IMMP2L: variants seen among roughly 807,000 people sequenced by gnomAD.
The protein encoded by IMMP2L is inner mitochondrial membrane peptidase subunit 2.
Under a neutral mutation model 19.3 loss-of-function variants are expected in IMMP2L, and 18 were observed. The ratio of observed to expected loss-of-function variants is 0.93; its 90% CI spans 0.64 to 1.38. The LOEUF (loss-of-function observed/expected upper bound fraction) is 1.38, where lower values mean the gene tolerates loss of function less well. Among genes scored for constraint, IMMP2L ranks in the 40% most tolerant of loss-of-function variants. The pLI is 0.00. For missense variants in IMMP2L, 233 were observed against 218.2 expected, an observed-to-expected ratio of 1.07 and a Z score of -0.43; for synonymous variants, 76 against 73.0, an observed-to-expected ratio of 1.04 and a Z score of -0.21.
intron 5 of IMMP2L, among the ~76,000 whole-genome samples, chr7:110,818,380 C>A (rs571574014): frequency 0.087 from 13,306 of 152,076 alleles, 896 homozygotes; most frequent in African/African-American, 0.19. Flanking sequence ...TCATCACTGG[C>A]CATCAGAGAA....
chr7:111,521,245 C>T, intron 2 of IMMP2L, 68 bp downstream of exon 2: 1 of 1,466,694 alleles, frequency 6.8e-7, no homozygotes, highest in Non-Finnish European at 9.3e-7. Context: ...ATAATTAGCA[C>T]TCTCATTTCT....
At chr7:111,549,840 C>T (rs1261259183) in intron 1 of IMMP2L, among the ~76,000 whole-genome samples, 2 of 151,392 alleles carry the variant, frequency 1.3e-5, no homozygotes. Flanking sequence ...ACTTGGGAGG[C>T]TGAGGCACGA....
rs78850537 is a variant in IMMP2L at position 111,119,949 on chromosome 7, G to T, written c.240-156384C>A. Among the ~76,000 whole-genome samples, 3 of 152,308 alleles carry T rather than the reference G, an allele frequency of 2.0e-5. No homozygotes were observed. In the East Asian group the frequency reaches 5.8e-4, roughly 29 times the overall value. On this transcript the variant is annotated intron_variant, in intron 3 of 5. Coordinates refer to ENST00000405709, the MANE Select transcript of IMMP2L (RefSeq NM_032549.4). The stretch of plus-strand genomic sequence containing the variant: ...CTTGTATGAAAGACTTCCCAGAGGG[G>T]AGATTCTTGAACTGAGGTTTGAAAA...
At chr7:110,904,813 A>C (rs1812282823) in intron 4 of IMMP2L, among the ~76,000 whole-genome samples, 1 of 152,316 alleles carries the variant, frequency 6.6e-6, no homozygotes, top group Non-Finnish European at 1.5e-5. Context: ...AGGTGAGTCC[A>C]AGAGAGGCCT....
chr7:110,868,467 C>A (rs1563039463), intron 5 of IMMP2L, among the ~76,000 whole-genome samples: 1 of 152,006 alleles, frequency 6.6e-6, no homozygotes, highest in Non-Finnish European at 1.5e-5. Context: ...TCATCAAATC[C>A]AGGCCCAGAG....
intron 3 of IMMP2L, among the ~76,000 whole-genome samples, chr7:111,014,836 C>A (rs1825342750): frequency 6.6e-6 from 1 of 152,120 alleles, no homozygotes; most frequent in African/African-American, 2.4e-5. Context: ...ATCAAAACCA[C>A]AGTGAGATAT....
At chr7:111,237,653 G>T (rs1208690659) in intron 3 of IMMP2L, among the ~76,000 whole-genome samples, 1 of 151,338 alleles carries the variant, frequency 6.6e-6, no homozygotes, top group African/African-American at 2.4e-5. Flanking sequence ...TATAATCATA[G>T]AAATTACACC....
intron 3 of IMMP2L, among the ~76,000 whole-genome samples, chr7:111,481,872 T>C (rs1165674267): frequency 6.6e-6 from 1 of 152,124 alleles, no homozygotes; most frequent in Non-Finnish European, 1.5e-5. Flanking sequence ...CATGTGTAAT[T>C]TTACATTTTC....
chr7:110,839,630 A>G (rs935581278), intron 5 of IMMP2L, among the ~76,000 whole-genome samples: 2 of 152,144 alleles, frequency 1.3e-5, no homozygotes, highest in African/African-American at 4.8e-5. Flanking sequence ...GTGTGCACAT[A>G]TATTTTAATT....
In IMMP2L at chr7:111,025,875, T is replaced by G. The variant is rs540610919; in HGVS notation, c.240-62310A>C. On this transcript the variant is annotated intron_variant, in intron 3 of 5. Coordinates refer to ENST00000405709, the MANE Select transcript of IMMP2L (RefSeq NM_032549.4). ...ACATTGTTTCCTCAGGAATGGAGTT[T>G]GGAATTCAGGTGGCTTTTTCTCAGA... Among the ~76,000 whole-genome samples, 11 of 152,318 alleles carry G rather than the reference T, an allele frequency of 7.2e-5. No individual in the cohort carries two copies. The East Asian group carries it at 1.3e-3, about 19-fold the overall frequency.
chr7:110,903,198 G>A (rs935792407), intron 4 of IMMP2L, among the ~76,000 whole-genome samples: 1 of 152,146 alleles, frequency 6.6e-6, no homozygotes, highest in Non-Finnish European at 1.5e-5. Flanking sequence ...GGCAATATTT[G>A]AGTATACGTG....
intron 3 of IMMP2L, among the ~76,000 whole-genome samples, chr7:111,443,363 C>T (rs931160044): frequency 2.7e-5 from 4 of 149,496 alleles, no homozygotes; most frequent in African/African-American, 1.0e-4. Flanking sequence ...TGGAGTACTA[C>T]GACCACTGTC....
At chr7:111,137,612 A>G (rs1802474883) in intron 3 of IMMP2L, among the ~76,000 whole-genome samples, 2 of 152,218 alleles carry the variant, frequency 1.3e-5, no homozygotes, top group Admixed American at 1.3e-4. Flanking sequence ...TGAGGAATAA[A>G]AATATTAAAT....
intron 3 of IMMP2L, among the ~76,000 whole-genome samples, chr7:111,334,799 T>C (rs1669189993): frequency 6.6e-6 from 1 of 152,102 alleles, no homozygotes; most frequent in Non-Finnish European, 1.5e-5. Context: ...ATTATTGTTT[T>C]TTAAACCTTC....
chr7:111,335,142 G>A (rs1381739960), intron 3 of IMMP2L, among the ~76,000 whole-genome samples: 1 of 152,030 alleles, frequency 6.6e-6, no homozygotes. Context: ...CAGAAAAAGA[G>A]ACCTAAAAAA....
intron 3 of IMMP2L, among the ~76,000 whole-genome samples, chr7:111,467,133 C>G (rs928810039): frequency 3.3e-5 from 5 of 152,072 alleles, no homozygotes; most frequent in African/African-American, 1.2e-4. Flanking sequence ...AAGCACAGCC[C>G]CTGAGGCGAG....
At chr7:111,217,977 T>C (rs1812132909) in intron 3 of IMMP2L, among the ~76,000 whole-genome samples, 1 of 152,088 alleles carries the variant, frequency 6.6e-6, no homozygotes, top group Admixed American at 6.5e-5. Flanking sequence ...TGTTCTTCAC[T>C]TTTCTTTTCA....
intron 3 of IMMP2L, among the ~76,000 whole-genome samples, chr7:111,380,290 A>G (rs1831073294): frequency 6.6e-6 from 1 of 151,952 alleles, no homozygotes. Context: ...TCTTTAAGGA[A>G]TCTGAAATAG....
chr7:111,029,962 A>C (rs1827228350), intron 3 of IMMP2L, among the ~76,000 whole-genome samples: 1 of 152,164 alleles, frequency 6.6e-6, no homozygotes, highest in South Asian at 2.1e-4. Context: ...CAGTCACTTA[A>C]ATGAGACAGT....
Sources: allele counts gnomAD v4.1 joint callset (sites outside exome capture counted in the v4.1 genomes callset), GRCh38; gene constraint gnomAD v4.1.1; transcripts MANE v1.5; gene names NCBI Gene and HGNC (gene_info 2026-07-23, HGNC 2026-07-21).